PGAP1: variants seen among roughly 807,000 people sequenced by gnomAD.
PGAP1 encodes GPI inositol-deacylase.
A neutral mutation model predicts 127.0 loss-of-function variants in PGAP1; 76 were observed. The ratio of observed to expected loss-of-function variants is 0.60; its 90% CI spans 0.50 to 0.72. The LOEUF (loss-of-function observed/expected upper bound fraction) is 0.72. PGAP1 is among the 30% of genes least tolerant of loss of function. The pLI is 0.00. For synonymous variants in PGAP1, 362 were observed against 366.5 expected (o/e 0.99, Z 0.14); for missense variants, 982 against 1,071.3 (o/e 0.92, Z 1.16).
intron 10 of PGAP1, among the ~76,000 whole-genome samples, chr2:196,889,167 T>C (rs577683603): frequency 6.6e-6 from 1 of 152,310 alleles, no homozygotes; most frequent in South Asian, 2.1e-4. Context: ...TTTTTCTTAA[T>C]ATAATACTGA....
intron 20 of PGAP1, among the ~76,000 whole-genome samples, chr2:196,849,261 A>ATTTTTTT (rs747641877): frequency 8.2e-4 from 111 of 135,970 alleles, no homozygotes; most frequent in African/African-American, 2.9e-3. Context: ...TGTCAGAATA[A>ATTTTTTT]TTTTTTTTTT....
chr2:196,841,229 C>T lies in PGAP1; in HGVS notation c.*5G>A. 2 of 1,609,776 alleles carry T rather than the reference C, an allele frequency of 1.2e-6. No individual in the cohort carries two copies. Among genetic ancestry groups the T allele is most frequent in the Middle Eastern group, 1.7e-4 (1 of 6,040 alleles). On this transcript the variant is annotated 3_prime_UTR_variant, in exon 27 of 27. Coordinates refer to ENST00000354764, the MANE Select transcript of PGAP1 (RefSeq NM_024989.4). The stretch of plus-strand genomic sequence containing the variant: ...AATTATCTTCATCATTCCTTAAGTC[C>T]AATCTTACATAAAGTTGCATAATGC...
chr2:196,916,268 C>A, intron 3 of PGAP1, 150 bp downstream of exon 3: 1 of 519,236 alleles, frequency 1.9e-6, no homozygotes, highest in East Asian at 3.4e-5. Flanking sequence ...ATTACGGAGG[C>A]CAAGACAACA....
Position 196,843,957 on chromosome 2 carries a change from A to T in PGAP1, c.2456T>A (p.Val819Glu). The T allele has an allele frequency of 6.2e-7, 1 of 1,604,914 alleles. No homozygotes were observed. Among genetic ancestry groups the T allele is most frequent in the Non-Finnish European group, 8.5e-7 (1 of 1,174,082 alleles). ...AEDSLRMHST[V>E]INLLTWIVLL... Reference sequence around the variant, plus strand: ...TACAATCCATGTTAGTAAGTTAATCACAGTACTGTGCATGCGAAGGCTATC... The same window carrying T: ...TACAATCCATGTTAGTAAGTTAATCTCAGTACTGTGCATGCGAAGGCTATC... The change falls in exon 25 of 27, where the codon GTG (valine) becomes GAG (glutamate). Residue 819 changes from valine (V) to glutamate (E), a missense_variant. Val to Glu is a moderately radical substitution (Grantham distance 121, BLOSUM62 -2). Transcript: ENST00000354764.
chr2:196,920,409 C>G (rs1173968485), intron 1 of PGAP1, among the ~76,000 whole-genome samples: 2 of 152,062 alleles, frequency 1.3e-5, no homozygotes, highest in African/African-American at 4.8e-5. Context: ...CTAACCAATA[C>G]AAATTACTCA....
chr2:196,912,346 C>G (rs1702851744), intron 4 of PGAP1, among the ~76,000 whole-genome samples: 1 of 151,872 alleles, frequency 6.6e-6, no homozygotes. Flanking sequence ...TCAAAAATAA[C>G]TAAACTGGCC....
Position 196,926,409 on chromosome 2 carries a change from G to A in PGAP1, c.147+61C>T. On this transcript the variant is annotated intron_variant, in intron 1 of 26. Transcript: ENST00000354764. ...CCAAGGCAGGACGAACCCACAGAAG[G>A]AAAAAGGCACCAGGGGCCAGAGTCT... is the stretch of plus-strand genomic sequence containing the variant. 1.9e-6 allele frequency: 3 copies of A among 1,606,878 alleles called. 1 individual carries two copies. In the South Asian group the frequency reaches 3.3e-5, roughly 18 times the overall value.
In PGAP1 at chr2:196,834,642, A is replaced by T. The variant is rs1700187800; in HGVS notation, c.*6592T>A. On this transcript the variant is annotated 3_prime_UTR_variant, in exon 27 of 27. Transcript: ENST00000354764. ...ATATTTTTAAAAATGTAAATATGTAACATAATTTCCTAATTTATATACAGT... is the reference window on the plus strand; with the variant it reads ...ATATTTTTAAAAATGTAAATATGTATCATAATTTCCTAATTTATATACAGT... 6.6e-6 allele frequency: 1 copy of T among 152,198 alleles called. No homozygotes were observed. The highest frequency in any genetic ancestry group is 6.6e-5 in the Admixed American group (1 of 15,258). 9.4% of individuals were successfully genotyped at this position (152,198 alleles called of 1,614,324 possible). A position where few individuals can be genotyped will look rare whatever the true frequency, so the allele number is the denominator to read the frequency against.
chr2:196,868,923 G>A (rs1355181216), intron 19 of PGAP1, among the ~76,000 whole-genome samples: 2 of 152,094 alleles, frequency 1.3e-5, no homozygotes, highest in Admixed American at 6.5e-5. Context: ...AAGCATGAAG[G>A]AAGAACATCT....
chr2:196,850,988 T>C (rs184877800), intron 20 of PGAP1, among the ~76,000 whole-genome samples: 461 of 152,184 alleles, frequency 3.0e-3, no homozygotes, highest in Admixed American at 5.0e-3. Flanking sequence ...AGCAAGGGGA[T>C]GGAATCAGTA....
At chr2:196,914,008 A>G (rs116664840) in intron 3 of PGAP1, among the ~76,000 whole-genome samples, 202 of 152,298 alleles carry the variant, frequency 1.3e-3, no homozygotes, top group African/African-American at 4.6e-3. Context: ...TCCCTTGTGG[A>G]CACTATTTCA....
rs544407994 is a variant in PGAP1 at position 196,897,670 on chromosome 2, T to C, written c.861-473A>G. Among the ~76,000 whole-genome samples, 31 of 152,372 alleles carry C rather than the reference T, an allele frequency of 2.0e-4. No individual in the cohort carries two copies. The South Asian group carries it at 6.2e-3, about 31-fold the overall frequency. ...ATGTGCTGCTCCCTAGAATAGTCAC[T>C]GCCGGTGATTGGCCAGAAGCTCAGA... On this transcript the variant is annotated intron_variant, in intron 6 of 26. Coordinates refer to ENST00000354764, the MANE Select transcript of PGAP1 (RefSeq NM_024989.4).
At position 196,920,166 on chromosome 2, in the gene PGAP1, A is replaced by C. The variant is rs573960908; in HGVS notation, c.148-16T>G. ...GTTCTATTTTCTACATTTAAAAAAAAGTAGTTTCACTTTAATCAGTTTTAT... is the reference window on the plus strand; with the variant it reads ...GTTCTATTTTCTACATTTAAAAAAACGTAGTTTCACTTTAATCAGTTTTAT... On this transcript the variant is annotated splice_polypyrimidine_tract_variant and intron_variant, in intron 1 of 26. Transcript: ENST00000354764. The C allele has an allele frequency of 6.3e-7, 1 of 1,591,084 alleles. No homozygotes were observed. Among genetic ancestry groups the C allele is most frequent in the East Asian group, 2.2e-5 (1 of 44,570 alleles).
intron 5 of PGAP1, among the ~76,000 whole-genome samples, chr2:196,900,799 C>T (rs977902069): frequency 1.3e-5 from 2 of 152,114 alleles, no homozygotes; most frequent in South Asian, 2.1e-4. Context: ...TGGTGGCGGA[C>T]GCCTGTAGTC....
At chr2:196,847,235 C>T (rs749418077) in intron 21 of PGAP1, 35 bp from the exon 22 acceptor site, 1 of 1,510,954 alleles carries the variant, frequency 6.6e-7, no homozygotes, top group South Asian at 1.2e-5. Context: ...GCAAAAAACC[C>T]AACAACTGAA....
intron 13 of PGAP1, among the ~76,000 whole-genome samples, chr2:196,877,289 C>G (rs1701597383): frequency 1.3e-5 from 2 of 152,034 alleles, no homozygotes; most frequent in African/African-American, 2.4e-5. Context: ...CAGAAGTTGA[C>G]TCAAAAATGT....
At chr2:196,873,656 TC>T in intron 15 of PGAP1, 28 bp downstream of exon 15, 1 of 1,599,390 alleles carries the variant, frequency 6.3e-7, no homozygotes, top group Admixed American at 1.7e-5. Flanking sequence ...TAAAATCAAA[TC>T]CTTTTTCTTG....
rs3839045 is a variant in PGAP1 at position 196,847,458 on chromosome 2, CT to C, written c.1953-259del. 0.044 allele frequency: 5,933 copies of C among 136,184 alleles called. 19 individuals are homozygous for C. The highest frequency in any genetic ancestry group is 0.071 in the Middle Eastern group (23 of 326). The allele number at this position is 136,184 out of a possible 1,614,324, so 8.4% of individuals were successfully genotyped here. A position where few individuals can be genotyped will look rare whatever the true frequency, so the allele number is the denominator to read the frequency against. ...TGATACTAGTAGAAAGTAATATGTT[CT>C]TTTTTTTTTTTTTTTTAGAAAGCCA... On this transcript the variant is annotated intron_variant, in intron 21 of 26. Transcript: ENST00000354764.
At chr2:196,881,457 A>G (rs1209012335) in intron 12 of PGAP1, among the ~76,000 whole-genome samples, 1 of 152,192 alleles carries the variant, frequency 6.6e-6, no homozygotes. Flanking sequence ...GTCTTCCACA[A>G]TGGTTGAACT....
Sources: allele counts gnomAD v4.1 joint callset (sites outside exome capture counted in the v4.1 genomes callset), GRCh38; gene constraint gnomAD v4.1.1; transcripts MANE v1.5; gene names NCBI Gene and HGNC (gene_info 2026-07-23, HGNC 2026-07-21).